Variants in PDE1A observed in about 807,000 individuals in gnomAD.
The protein encoded by PDE1A is dual specificity calcium/calmodulin-dependent 3',5'-cyclic nucleotide phosphodiesterase 1A.
A neutral mutation model predicts 61.7 loss-of-function variants in PDE1A; 35 were observed. The observed-to-expected ratio is 0.57, with a 90% confidence interval of 0.43 to 0.75. PDE1A has a LOEUF of 0.75. Among genes scored for constraint, PDE1A ranks in the 30% least tolerant of loss-of-function variants. The probability of loss-of-function intolerance (pLI) is 0.00; values close to 1 mark genes in which losing one functional copy is unlikely to be tolerated. For missense variants in PDE1A, 597 were observed against 630.6 expected, an observed-to-expected ratio of 0.95 and a Z score of 0.57; for synonymous variants, 232 against 213.2, an observed-to-expected ratio of 1.09 and a Z score of -0.77.
At chr2:182,414,277 A>G (rs1239637050) in intron 1 of PDE1A, among the ~76,000 whole-genome samples, 2 of 152,130 alleles carry the variant, frequency 1.3e-5, no homozygotes, top group African/African-American at 4.8e-5. Context: ...GAATAGAATG[A>G]ACATCTGCAA....
the PDE1A span, among the ~76,000 whole-genome samples, chr2:182,531,171 C>A: frequency 2.7e-5 from 4 of 149,924 alleles, no homozygotes; most frequent in South Asian, 4.2e-4. Context: ...AAATAAAATT[C>A]TAAAAAAAAA....
At chr2:182,241,992 T>C (rs1464723695) in intron 2 of PDE1A, 1 of 1,458,698 alleles carries the variant, frequency 6.9e-7, no homozygotes, top group Non-Finnish European at 9.0e-7. Flanking sequence ...TTAAAGATAA[T>C]GCCATTTCTA....
At chr2:182,589,288 GAA>G in the PDE1A span, among the ~76,000 whole-genome samples, 1 of 149,126 alleles carries the variant, frequency 6.7e-6, no homozygotes, top group Non-Finnish European at 1.5e-5. Context: ...AGGAAGGAAG[GAA>G]GGAAGGAAGG....
chr2:182,686,908 A>ACGCCCGGC, the PDE1A span, among the ~76,000 whole-genome samples: 831 of 152,316 alleles, frequency 5.5e-3, 8 homozygotes, highest in African/African-American at 0.019. Flanking sequence ...GGAGGGTCCC[A>ACGCCCGGC]TGCCCATGGA....
At chr2:182,676,286 C>T in the PDE1A span, among the ~76,000 whole-genome samples, 1 of 152,010 alleles carries the variant, frequency 6.6e-6, no homozygotes, top group South Asian at 2.1e-4. Context: ...CTACAAACAC[C>T]TCTACACACA....
intron 1 of PDE1A, among the ~76,000 whole-genome samples, chr2:182,282,290 T>A (rs1693860794): frequency 6.6e-6 from 1 of 151,978 alleles, no homozygotes; most frequent in South Asian, 2.1e-4. Context: ...ATGATCATTG[T>A]CAGGAAAAGT....
At chr2:182,242,032 G>C (rs1027680924) in intron 2 of PDE1A, 26 of 1,315,568 alleles carry the variant, frequency 2.0e-5, no homozygotes, top group Admixed American at 3.7e-5. Flanking sequence ...CAGATACAGT[G>C]TAGGTAGAAC....
chr2:182,580,569 G>A, the PDE1A span, among the ~76,000 whole-genome samples: 2 of 152,128 alleles, frequency 1.3e-5, no homozygotes, highest in Non-Finnish European at 2.9e-5. Flanking sequence ...ACTGAATTTG[G>A]GGGTGGAGAG....
rs535633789 is a variant in PDE1A at position 182,212,564 on chromosome 2, G to T, written c.777-6499C>A. 8.5e-5 allele frequency among the ~76,000 whole-genome samples: 13 copies of T among 152,190 alleles called. 1 individual carries two copies. Among genetic ancestry groups the T allele is most frequent in the East Asian group, 5.8e-4 (3 of 5,172 alleles). On this transcript the variant is annotated intron_variant, in intron 7 of 13. Transcript: ENST00000351439. The stretch of plus-strand genomic sequence containing the variant: ...GCACAGGTCAGTGGGTGCGCGCACC[G>T]TGCGCAAGCCGAAGCAGGGCGAGGC...
chr2:182,296,588 C>T (rs1383790646), intron 1 of PDE1A, among the ~76,000 whole-genome samples: 1 of 152,092 alleles, frequency 6.6e-6, no homozygotes, highest in Admixed American at 6.5e-5. Flanking sequence ...ATAAGGCTAA[C>T]TAATAAAGAG....
intron 1 of PDE1A, among the ~76,000 whole-genome samples, chr2:182,413,856 A>G (rs867196717): frequency 6.6e-6 from 1 of 152,160 alleles, no homozygotes; most frequent in Admixed American, 6.5e-5. Context: ...TAAATCTATT[A>G]AATCTCATGG....
At chr2:182,339,962 A>G (rs181187234) in intron 1 of PDE1A, among the ~76,000 whole-genome samples, 1 of 152,176 alleles carries the variant, frequency 6.6e-6, no homozygotes. Context: ...TATTCTAGAG[A>G]TGTAAATATG....
intron 1 of PDE1A, among the ~76,000 whole-genome samples, chr2:182,288,031 G>C (rs111771506): frequency 2.0e-5 from 3 of 150,820 alleles, no homozygotes; most frequent in African/African-American, 7.3e-5. Flanking sequence ...ATTAAAAAGA[G>C]TTTTACAAGG....
At chr2:182,306,911 C>A (rs1477492554) in intron 1 of PDE1A, among the ~76,000 whole-genome samples, 2 of 151,852 alleles carry the variant, frequency 1.3e-5, no homozygotes, top group African/African-American at 2.4e-5. Context: ...TAGATATGAC[C>A]CCAAAAGCTC....
chr2:182,472,027 G>A (rs949895231), intron 2 of PDE1A, among the ~76,000 whole-genome samples: 2 of 151,646 alleles, frequency 1.3e-5, no homozygotes, highest in Non-Finnish European at 3.0e-5. Context: ...TTACACTAAC[G>A]AGAATGACTA....
At chr2:182,456,455 T>A (rs1056972274) in intron 2 of PDE1A, among the ~76,000 whole-genome samples, 3 of 152,088 alleles carry the variant, frequency 2.0e-5, no homozygotes, top group Non-Finnish European at 2.9e-5. Flanking sequence ...CCATATAAAT[T>A]TTTGAATCAA....
chr2:182,218,211 T>C (rs112668171), intron 7 of PDE1A, among the ~76,000 whole-genome samples: 21,411 of 144,290 alleles, frequency 0.15, 2,029 homozygotes, highest in East Asian at 0.31. Flanking sequence ...TAGGTGGGAA[T>C]TGAACAATGA....
intron 2 of PDE1A, among the ~76,000 whole-genome samples, chr2:182,464,975 CTT>C (rs1189795332): frequency 3.3e-5 from 5 of 152,148 alleles, no homozygotes; most frequent in African/African-American, 9.6e-5. Flanking sequence ...AAGAGTGAGA[CTT>C]AAAGACTATT....
chr2:182,464,024 T>C (rs1323466575), intron 2 of PDE1A, among the ~76,000 whole-genome samples: 1 of 152,164 alleles, frequency 6.6e-6, no homozygotes, highest in Non-Finnish European at 1.5e-5. Flanking sequence ...GTTAGATAAG[T>C]GAATGGGTAT....
Sources: gnomAD v4.1 joint callset for allele counts (sites outside exome capture counted in the v4.1 genomes callset) on GRCh38, gnomAD v4.1.1 for gene constraint, MANE v1.5 for transcripts, NCBI Gene and HGNC (gene_info 2026-07-23, HGNC 2026-07-21) for gene names.